Variants in PSMC4 observed in about 807,000 individuals in gnomAD.
The protein encoded by PSMC4 is 26S proteasome regulatory subunit 6B.
PSMC4 carries 13 observed loss-of-function variants against 48.4 expected under a neutral mutation model. The ratio of observed to expected loss-of-function variants is 0.27; its 90% confidence interval spans 0.18 to 0.43. The LOEUF (loss-of-function observed/expected upper bound fraction) is 0.43, where lower values mean the gene tolerates loss of function less well. Ranked by LOEUF, PSMC4 falls within the 20% of genes least tolerant of loss-of-function variation. The pLI, the probability that PSMC4 is intolerant of heterozygous loss-of-function variation, is 1.00. For synonymous variants in PSMC4, 202 were observed against 212.3 expected (o/e 0.95, Z 0.42); for missense variants, 262 against 555.9 (o/e 0.47, Z 5.32).
Position 39,980,768 on chromosome 19 carries a change from T to G in PSMC4, c.1143+51T>G. ...CAGGCAGCGGGTGTGTGAGGACCCT[T>G]CTTCTCTGAACCACTCTGCTGCAGT... On this transcript the variant is annotated intron_variant, in intron 10 of 10. Transcript: ENST00000157812. The surrounding 1 kb of genome is among the most constrained non-coding windows in gnomAD (Gnocchi z 4.8). 6.3e-7 allele frequency: 1 copy of G among 1,575,192 alleles called. No individual in the cohort carries two copies. Among genetic ancestry groups the G allele is most frequent in the South Asian group, 1.1e-5 (1 of 90,296 alleles).
intron 2 of PSMC4, 39 bp from the exon 3 acceptor site, chr19:39,972,330 G>A: frequency 1.2e-6 from 2 of 1,611,974 alleles, no homozygotes; most frequent in Non-Finnish European, 1.7e-6. Context: ...GGATCAGCAA[G>A]TCTGGAGCCA....
Position 39,972,501 on chromosome 19 carries a change from G to A in PSMC4, c.268G>A (p.Gly90Arg), listed in dbSNP as rs2144610901. 6.2e-7 allele frequency: 1 copy of A among 1,614,076 alleles called. No homozygotes were observed. The highest frequency in any genetic ancestry group is 8.5e-7 in the Non-Finnish European group (1 of 1,180,004). The change falls in exon 3 of 11, where the codon GGA becomes AGA. Residue 90 changes from glycine to arginine, a missense_variant. Physicochemically the swap from Gly to Arg is moderately radical, Grantham distance 125 (BLOSUM62 -2). Around this residue, in one of 4 missense-constraint regions of PSMC4, gnomAD observed 131 missense variants for 276.7 expected, o/e 0.47. Transcript: ENST00000157812. ...AATCCAAAGCATCCCGCTGGTCATC[G>A]GACAATTTCTGGAGGCTGTGGATCA... ...KRIQSIPLVI[G>R]QFLEAVDQNT...
At position 39,974,190 on chromosome 19, in the gene PSMC4, G is replaced by A; in HGVS notation, c.323-104G>A. On this transcript the variant is annotated intron_variant, in intron 3 of 10. Coordinates refer to ENST00000157812, the MANE Select transcript of PSMC4 (RefSeq NM_006503.4). The surrounding 1 kb of genome is among the most constrained non-coding windows in gnomAD (Gnocchi z 5.5). ...CTGGAGGCCGAGAGGGGACCCCTCAGGGTCTGAACCAGAGATGTTGGGGTG... is the reference window on the plus strand; with the variant it reads ...CTGGAGGCCGAGAGGGGACCCCTCAAGGTCTGAACCAGAGATGTTGGGGTG... 6.9e-7 allele frequency: 1 copy of A among 1,447,072 alleles called. No individual in the cohort carries two copies. Among genetic ancestry groups the A allele is most frequent in the Non-Finnish European group, 9.4e-7 (1 of 1,067,478 alleles). The allele number at this position is 1,447,072 out of a possible 1,614,324, so 89.6% of individuals were successfully genotyped here.
chr19:39,979,676 T>C, intron 6 of PSMC4, 141 bp from the exon 7 acceptor site: 1 of 803,450 alleles, frequency 1.2e-6, no homozygotes, highest in Non-Finnish European at 1.8e-6. Flanking sequence ...GGCTCACCCT[T>C]GGGCATGAGG....
chr19:39,976,512 C>CT (rs561360469), intron 6 of PSMC4, among the ~76,000 whole-genome samples: 23,626 of 131,070 alleles, frequency 0.18, 5,053 homozygotes, highest in African/African-American at 0.51. Context: ...CGTAAAGTTT[C>CT]TTTTTTTTTT....
intron 1 of PSMC4, among the ~76,000 whole-genome samples, chr19:39,971,510 A>G (rs372891575): frequency 1.3e-5 from 2 of 152,060 alleles, no homozygotes; most frequent in African/African-American, 4.8e-5. Context: ...GGTAGTGCTT[A>G]GTGAGGTCGG....
intron 1 of PSMC4, among the ~76,000 whole-genome samples, chr19:39,971,495 T>A (rs1971100797): frequency 6.6e-6 from 1 of 152,036 alleles, no homozygotes; most frequent in Non-Finnish European, 1.5e-5. Flanking sequence ...TTTCGAACCC[T>A]GGCCGGTAGT....
intron 6 of PSMC4, among the ~76,000 whole-genome samples, chr19:39,976,271 T>A (rs1449915325): frequency 8.0e-6 from 1 of 124,630 alleles, no homozygotes; most frequent in East Asian, 2.5e-4. Flanking sequence ...ATATATATAT[T>A]AATTAGCTGG....
Position 39,972,452 on chromosome 19 carries a change from C to T in PSMC4, c.219C>T (p.Leu73=), listed in dbSNP as rs147840892. Residue 73 remains leucine (L), a synonymous_variant, in exon 3 of 11, where the codon CTC becomes CTT. Coordinates refer to ENST00000157812, the MANE Select transcript of PSMC4 (RefSeq NM_006503.4). ...AAAAGAACCTGAAAAAGGAATTTCT[C>T]CATGCCCAGGAGGAGGTGAAGCGAA... is the stretch of plus-strand genomic sequence containing the variant. ...DEQKNLKKEF[L]HAQEEVKRIQ... 1.2e-6 allele frequency: 2 copies of T among 1,614,118 alleles called. No individual in the cohort carries two copies. Among genetic ancestry groups the T allele is most frequent in the Non-Finnish European group, 8.5e-7 (1 of 1,180,022 alleles).
At position 39,980,112 on chromosome 19, in the gene PSMC4, A is replaced by G; in HGVS notation, c.884A>G (p.Gln295Arg). ...VQRILLELLNQMDGFDQNVNV... is the reference protein window; with the variant it reads ...VQRILLELLNRMDGFDQNVNV... Reference sequence around the variant, plus strand: ...AGGATCCTGCTGGAGCTGCTGAATCAGATGGATGGATTTGATCAGAATGTC... The same window carrying G: ...AGGATCCTGCTGGAGCTGCTGAATCGGATGGATGGATTTGATCAGAATGTC... The change falls in exon 8 of 11, where the codon CAG becomes CGG. Residue 295 changes from glutamine (Q) to arginine (R), a missense_variant. By Grantham distance (43) the Gln-to-Arg change is conservative (BLOSUM62 1). Transcript: ENST00000157812. The surrounding 1 kb of genome is among the most constrained non-coding windows in gnomAD (Gnocchi z 4.8). 6.2e-7 allele frequency: 1 copy of G among 1,614,174 alleles called. No individual in the cohort carries two copies.
At chr19:39,972,645 G>T (rs1461629871) in intron 3 of PSMC4, 90 bp downstream of exon 3, 2 of 1,131,762 alleles carry the variant, frequency 1.8e-6, no homozygotes, top group Non-Finnish European at 2.5e-6. Flanking sequence ...GCAGGGCAGT[G>T]CAGTGCAATG....
At chr19:39,976,245 AT>A (rs374623425) in intron 6 of PSMC4, among the ~76,000 whole-genome samples, 101,551 of 107,322 alleles carry the variant, frequency 0.95, 48,030 homozygotes, top group Admixed American at 0.96. Flanking sequence ...TCCAAAAAAA[AT>A]ATATATATAT....
chr19:39,971,180 A>G lies in PSMC4; in HGVS notation c.-23A>G. 6.2e-7 allele frequency: 1 copy of G among 1,613,984 alleles called. No individual in the cohort carries two copies. Among genetic ancestry groups the G allele is most frequent in the Non-Finnish European group, 8.5e-7 (1 of 1,179,898 alleles). On this transcript the variant is annotated 5_prime_UTR_variant, in exon 1 of 11. Coordinates refer to ENST00000157812, the MANE Select transcript of PSMC4 (RefSeq NM_006503.4). Reference sequence around the variant, plus strand: ...AAGCGGTGACAGATCATCCCAGGCCACACAGAGGCCGGCTTGGTCACTATG... The same window carrying G: ...AAGCGGTGACAGATCATCCCAGGCCGCACAGAGGCCGGCTTGGTCACTATG...
chr19:39,971,201 C>G lies in PSMC4; in HGVS notation c.-2C>G. The G allele has an allele frequency of 6.2e-7, 1 of 1,614,192 alleles. No individual in the cohort carries two copies. The highest frequency in any genetic ancestry group is 8.5e-7 in the Non-Finnish European group (1 of 1,180,016). On this transcript the variant is annotated 5_prime_UTR_variant, in exon 1 of 11. Transcript: ENST00000157812. ...GGCCACACAGAGGCCGGCTTGGTCA[C>G]TATGGAGGAGATAGGCATCTTGGTG... is the stretch of plus-strand genomic sequence containing the variant.
At position 39,974,151 on chromosome 19, in the gene PSMC4, A is replaced by G; in HGVS notation, c.323-143A>G. The G allele has an allele frequency of 1.0e-6, 1 of 954,562 alleles. No individual in the cohort carries two copies. The highest frequency in any genetic ancestry group is 2.6e-5 in the East Asian group (1 of 38,150). The allele number at this position is 954,562 out of a possible 1,614,324, so 59.1% of individuals were successfully genotyped here. On this transcript the variant is annotated intron_variant, in intron 3 of 10. Transcript: ENST00000157812. The surrounding 1 kb of genome is among the most constrained non-coding windows in gnomAD (Gnocchi z 5.5). ...GTTCGTGTGAATACTGGGGACGGAC[A>G]GCAGGAGGGAAGGCTGGAGGCCGAG...
Position 39,981,312 on chromosome 19 carries a change from C to T in PSMC4, c.*7C>T, listed in dbSNP as rs1482021982. On this transcript the variant is annotated 3_prime_UTR_variant, in exon 11 of 11. Coordinates refer to ENST00000157812, the MANE Select transcript of PSMC4 (RefSeq NM_006503.4). Reference sequence around the variant, plus strand: ...GCATGAGTTTTACAAGTGACCCTTCCCTTCCCTCCACCACACCACTCAGGG... The same window carrying T: ...GCATGAGTTTTACAAGTGACCCTTCTCTTCCCTCCACCACACCACTCAGGG... 2 of 1,603,748 alleles carry T rather than the reference C, an allele frequency of 1.2e-6. No homozygotes were observed. Among genetic ancestry groups the T allele is most frequent in the African/African-American group, 2.7e-5 (2 of 74,672 alleles).
intron 6 of PSMC4, among the ~76,000 whole-genome samples, chr19:39,976,719 C>G (rs1487302138): frequency 6.6e-6 from 1 of 151,914 alleles, no homozygotes; most frequent in Non-Finnish European, 1.5e-5. Context: ...CCGTGTTAGC[C>G]AGGATGGTCT....
chr19:39,972,114 T>C (rs1971109393), intron 1 of PSMC4, 32 bp from the exon 2 acceptor site: 7 of 1,581,864 alleles, frequency 4.4e-6, no homozygotes, highest in Non-Finnish European at 6.1e-6. Context: ...AGGACTGTCT[T>C]CTTCCAATGT....
intron 6 of PSMC4, among the ~76,000 whole-genome samples, chr19:39,976,789 G>A (rs1359169818): frequency 2.6e-5 from 4 of 151,534 alleles, no homozygotes; most frequent in Non-Finnish European, 4.4e-5. Context: ...GATTACAGGC[G>A]TGAGCCACCG....
Sources: allele counts gnomAD v4.1 joint callset (sites outside exome capture counted in the v4.1 genomes callset), GRCh38; gene constraint gnomAD v4.1.1; regional missense constraint gnomAD v4.1.1; non-coding constraint Gnocchi (gnomAD v3.1); transcripts MANE v1.5; gene names NCBI Gene and HGNC (gene_info 2026-07-23, HGNC 2026-07-21).